The following NKAIN3 variants were observed in gnomAD, a reference collection of about 807,000 sequenced individuals.
The protein encoded by NKAIN3 is sodium/potassium transporting ATPase interacting 3, also known as sodium/potassium-transporting ATPase subunit beta-1-interacting protein 3.
In NKAIN3, 25 loss-of-function variants were observed where a neutral mutation model predicts 30.2. That is an observed-to-expected ratio of 0.83 (90% CI 0.60 to 1.16). NKAIN3 has a LOEUF of 1.16. Among genes scored for constraint, NKAIN3 ranks in the 50% most tolerant of loss-of-function variants. The pLI is 0.00. For synonymous variants in NKAIN3, 91 were observed against 89.6 expected (o/e 1.02, Z -0.09); for missense variants, 225 against 254.1 (o/e 0.89, Z 0.78).
At chr8:62,680,751 C>T (rs1436351872) in intron 3 of NKAIN3, among the ~76,000 whole-genome samples, 1 of 151,834 alleles carries the variant, frequency 6.6e-6, no homozygotes, top group Non-Finnish European at 1.5e-5. Flanking sequence ...TGTCTCTTTA[C>T]AAAAATGCTT....
In NKAIN3 at chr8:62,974,876, G is replaced by GTTGAA. The variant is rs1477338155; in HGVS notation, c.*9472_*9476dup. Among the ~76,000 whole-genome samples the GTTGAA allele has an allele frequency of 6.6e-6, 1 of 152,092 alleles. No individual in the cohort carries two copies. The highest frequency in any genetic ancestry group is 2.4e-5 in the African/African-American group (1 of 41,436). On this transcript the variant is annotated 3_prime_UTR_variant, in exon 7 of 7. Transcript: ENST00000623646. ...TTGAGTGTTTTTAGCATGAAGGAGG[G>GTTGAA]TTGAATTTTGTCGAAGGCCTTTTCC...
chr8:62,309,231 T>C (rs1446885779), intron 1 of NKAIN3, among the ~76,000 whole-genome samples: 1 of 150,588 alleles, frequency 6.6e-6, no homozygotes, highest in East Asian at 1.9e-4. Context: ...GACAAATTTG[T>C]TTAATTATGA....
intron 4 of NKAIN3, among the ~76,000 whole-genome samples, chr8:62,792,617 C>T (rs551789519): frequency 6.6e-6 from 1 of 152,254 alleles, no homozygotes; most frequent in East Asian, 1.9e-4. Context: ...GTAATAGTAG[C>T]TCAGTGTGAT....
At chr8:62,814,472 T>C (rs1404313172) in intron 4 of NKAIN3, among the ~76,000 whole-genome samples, 1 of 151,926 alleles carries the variant, frequency 6.6e-6, no homozygotes, top group East Asian at 1.9e-4. Flanking sequence ...ATCGACCACA[T>C]AGTTGGAAGT....
At chr8:62,257,102 C>T (rs10090048) in intron 1 of NKAIN3, among the ~76,000 whole-genome samples, 91,165 of 151,988 alleles carry the variant, frequency 0.6, 27,610 homozygotes, top group East Asian at 0.68. Context: ...TGTGGCAAGA[C>T]ATTTGAAATT....
chr8:62,806,830 AAAAAT>A (rs920359034), intron 4 of NKAIN3, among the ~76,000 whole-genome samples: 8 of 151,578 alleles, frequency 5.3e-5, no homozygotes, highest in South Asian at 4.1e-4. Context: ...AATAATATAA[AAAAAT>A]AAAATAAAAT....
At chr8:62,415,270 T>C (rs1804407387) in intron 1 of NKAIN3, among the ~76,000 whole-genome samples, 1 of 144,390 alleles carries the variant, frequency 6.9e-6, no homozygotes. Context: ...ATATACACTA[T>C]AGTATATATT....
At chr8:62,366,871 T>C (rs1166133776) in intron 1 of NKAIN3, among the ~76,000 whole-genome samples, 5 of 152,204 alleles carry the variant, frequency 3.3e-5, no homozygotes, top group Admixed American at 3.3e-4. Flanking sequence ...TTGTAGCCTA[T>C]AAGTTTTGGT....
intron 3 of NKAIN3, among the ~76,000 whole-genome samples, chr8:62,689,356 G>A (rs979249094): frequency 1.3e-5 from 2 of 151,970 alleles, no homozygotes; most frequent in East Asian, 1.9e-4. Context: ...CCCTCCTTCT[G>A]CACACTTCAG....
chr8:62,757,679 G>A (rs1414036822), intron 4 of NKAIN3, among the ~76,000 whole-genome samples: 1 of 152,180 alleles, frequency 6.6e-6, no homozygotes, highest in African/African-American at 2.4e-5. Flanking sequence ...TGGGAAGAAG[G>A]GAAAAGGAAT....
At chr8:62,495,203 A>G (rs907161803) in intron 1 of NKAIN3, among the ~76,000 whole-genome samples, 3 of 152,124 alleles carry the variant, frequency 2.0e-5, no homozygotes, top group African/African-American at 7.2e-5. Flanking sequence ...CATGTAGTTT[A>G]TATGAATTCT....
chr8:62,345,581 G>GTA (rs376112146), intron 1 of NKAIN3, among the ~76,000 whole-genome samples: 16 of 121,518 alleles, frequency 1.3e-4, no homozygotes, highest in Non-Finnish European at 1.6e-4. Context: ...ACACATATAT[G>GTA]TATATACACA....
chr8:62,742,846 T>G (rs1217622999), intron 3 of NKAIN3, among the ~76,000 whole-genome samples: 1 of 152,180 alleles, frequency 6.6e-6, no homozygotes. Flanking sequence ...TTTAATTAAC[T>G]CACAGTTCAG....
At chr8:62,759,539 C>T (rs1360044117) in intron 4 of NKAIN3, among the ~76,000 whole-genome samples, 1 of 152,038 alleles carries the variant, frequency 6.6e-6, no homozygotes, top group Non-Finnish European at 1.5e-5. Context: ...ACTAGAGAGA[C>T]TTATCAGACG....
intron 4 of NKAIN3, among the ~76,000 whole-genome samples, chr8:62,785,062 C>A (rs938826300): frequency 6.6e-6 from 1 of 152,082 alleles, no homozygotes; most frequent in South Asian, 2.1e-4. Flanking sequence ...AGTTTCTCAA[C>A]AAATTAAATA....
intron 3 of NKAIN3, among the ~76,000 whole-genome samples, chr8:62,653,656 T>C (rs1232709899): frequency 2.6e-5 from 4 of 152,104 alleles, no homozygotes; most frequent in Admixed American, 1.3e-4. Context: ...TTAATTTTGT[T>C]TGGATCTTGG....
intron 1 of NKAIN3, among the ~76,000 whole-genome samples, chr8:62,281,354 T>G (rs999011623): frequency 3.3e-5 from 5 of 151,608 alleles, no homozygotes; most frequent in Non-Finnish European, 7.4e-5. Flanking sequence ...TTTTGAAGGT[T>G]TTTTTTGTGT....
intron 1 of NKAIN3, among the ~76,000 whole-genome samples, chr8:62,345,590 CACATATATACACAT>C: frequency 6.9e-6 from 1 of 145,806 alleles, no homozygotes; most frequent in East Asian, 2.4e-4. Flanking sequence ...TGTATATACA[CACATATATACACAT>C]ATATGTATAT....
intron 3 of NKAIN3, among the ~76,000 whole-genome samples, chr8:62,663,364 A>G (rs1423553108): frequency 1.3e-5 from 2 of 152,222 alleles, no homozygotes; most frequent in Admixed American, 1.3e-4. Context: ...TCAGGCAGTA[A>G]TTATGAGAAG....
Sources: allele counts gnomAD v4.1 joint callset (sites outside exome capture counted in the v4.1 genomes callset), GRCh38; gene constraint gnomAD v4.1.1; transcripts MANE v1.5; gene names NCBI Gene and HGNC (gene_info 2026-07-23, HGNC 2026-07-21).